The following MTMR14 variants were observed in gnomAD, a reference collection of about 807,000 sequenced individuals.
The protein encoded by MTMR14 is myotubularin related protein 14, also known as phosphatidylinositol-3,5-bisphosphate 3-phosphatase MTMR14.
MTMR14 carries 48 observed loss-of-function variants against 86.3 expected under a neutral mutation model. The observed-to-expected ratio is 0.56, with a 90% confidence interval of 0.44 to 0.71. MTMR14 has a LOEUF of 0.71. Ranked by LOEUF, MTMR14 falls within the 30% of genes least tolerant of loss-of-function variation. MTMR14 has a pLI of 0.00. For missense variants in MTMR14, 780 were observed against 834.6 expected (o/e 0.93, Z 0.81); for synonymous variants, 366 against 326.1 (o/e 1.12, Z -1.32).
intron 14 of MTMR14, 57 bp from the exon 15 acceptor site, chr3:9,688,639 G>A: frequency 5.6e-6 from 9 of 1,599,694 alleles, no homozygotes; most frequent in East Asian, 2.2e-5. Context: ...TGGGAACGGG[G>A]GACACAATAA....
At chr3:9,683,882 C>T (rs1323285032) in intron 10 of MTMR14, among the ~76,000 whole-genome samples, 1 of 152,232 alleles carries the variant, frequency 6.6e-6, no homozygotes, top group African/African-American at 2.4e-5. Flanking sequence ...GCAGCCATTC[C>T]AGACCTGTCT....
Position 9,690,176 on chromosome 3 carries a change from T to G in MTMR14, c.1613+33T>G, listed in dbSNP as rs534647768. 3.1e-6 allele frequency: 5 copies of G among 1,610,496 alleles called. No individual in the cohort carries two copies. In the South Asian group the frequency reaches 5.5e-5, roughly 18 times the overall value. On this transcript the variant is annotated intron_variant, in intron 17 of 18. Transcript: ENST00000296003. The stretch of plus-strand genomic sequence containing the variant: ...GCTCCAAAGCCCTTGCTGTTGGAAG[T>G]GCCTAGCTTTCCCCCTTAATAAGAC...
chr3:9,700,363 G>C (rs2076414757), intron 18 of MTMR14: 1 of 152,230 alleles, frequency 6.6e-6, no homozygotes, highest in South Asian at 2.1e-4. Flanking sequence ...GACCCCTAGA[G>C]AGGGCCCTCC....
At chr3:9,694,647 C>T (rs1488728202) in intron 17 of MTMR14, among the ~76,000 whole-genome samples, 1 of 152,116 alleles carries the variant, frequency 6.6e-6, no homozygotes, top group Non-Finnish European at 1.5e-5. Flanking sequence ...GTCATTTGTC[C>T]GAGAGCCTGT....
At chr3:9,697,618 C>T in intron 17 of MTMR14, 93 bp from the exon 18 acceptor site, 1 of 1,426,834 alleles carries the variant, frequency 7.0e-7, no homozygotes, top group East Asian at 2.3e-5. Flanking sequence ...AACCTAGCAG[C>T]CAGGGCTGCG....
intron 3 of MTMR14, among the ~76,000 whole-genome samples, chr3:9,663,119 T>G (rs918602397): frequency 6.6e-6 from 1 of 152,110 alleles, no homozygotes; most frequent in Non-Finnish European, 1.5e-5. Flanking sequence ...GCGGGGAAAT[T>G]CCGAATGCAA....
intron 2 of MTMR14, among the ~76,000 whole-genome samples, chr3:9,661,574 T>C (rs1180587644): frequency 1.3e-5 from 2 of 151,964 alleles, no homozygotes; most frequent in Non-Finnish European, 2.9e-5. Context: ...ATGCAAAAAA[T>C]AGATAGTCAC....
chr3:9,658,668 A>G (rs1221513302), intron 2 of MTMR14, among the ~76,000 whole-genome samples: 2 of 152,240 alleles, frequency 1.3e-5, no homozygotes, highest in Admixed American at 6.5e-5. Flanking sequence ...ATTTCATCTC[A>G]TTAAACTACC....
At chr3:9,650,003 G>T (rs2047185146) in intron 1 of MTMR14, among the ~76,000 whole-genome samples, 1 of 152,092 alleles carries the variant, frequency 6.6e-6, no homozygotes, top group South Asian at 2.1e-4. Flanking sequence ...GAGAGATCAA[G>T]CTGAGGGGCC....
intron 18 of MTMR14, among the ~76,000 whole-genome samples, chr3:9,699,041 G>C (rs532754188): frequency 2.6e-5 from 4 of 152,046 alleles, no homozygotes; most frequent in African/African-American, 9.6e-5. Flanking sequence ...GGTGGTGAAT[G>C]CCTATTAGTA....
intron 3 of MTMR14, among the ~76,000 whole-genome samples, chr3:9,664,713 A>G (rs1247234104): frequency 6.6e-6 from 1 of 152,184 alleles, no homozygotes. Flanking sequence ...AATTGAACTC[A>G]TGAAGATAGA....
intron 7 of MTMR14, among the ~76,000 whole-genome samples, chr3:9,673,939 A>G (rs1559585280): frequency 6.6e-6 from 1 of 152,034 alleles, no homozygotes. Flanking sequence ...GGTGGTGATG[A>G]TGTTGATGAT....
chr3:9,697,522 G>A (rs2076317582), intron 17 of MTMR14, among the ~76,000 whole-genome samples, 189 bp from the exon 18 acceptor site: 2 of 152,086 alleles, frequency 1.3e-5, no homozygotes, highest in Admixed American at 1.3e-4. Context: ...TCACAGCTGA[G>A]CTTACCTGGT....
At chr3:9,671,997 T>C (rs373473784) in intron 6 of MTMR14, among the ~76,000 whole-genome samples, 15 of 152,324 alleles carry the variant, frequency 9.8e-5, no homozygotes, top group Admixed American at 7.8e-4. Context: ...ATGCTGTTTG[T>C]TCACCCTGTT....
intron 6 of MTMR14, among the ~76,000 whole-genome samples, chr3:9,672,064 C>T (rs939924147): frequency 3.9e-5 from 6 of 152,116 alleles, no homozygotes; most frequent in African/African-American, 1.2e-4. Flanking sequence ...AAAGGGTTCC[C>T]ATAGGATCAT....
intron 2 of MTMR14, among the ~76,000 whole-genome samples, chr3:9,658,965 G>A (rs183758635): frequency 3.5e-4 from 54 of 152,334 alleles, no homozygotes; most frequent in African/African-American, 1.2e-3. Flanking sequence ...CGAGATGGGC[G>A]TTTCGCTTGA....
chr3:9,675,635 C>G (rs73811561), intron 7 of MTMR14: 5 of 457,278 alleles, frequency 1.1e-5, no homozygotes, highest in Admixed American at 4.7e-5. Flanking sequence ...TTTGGTCCCT[C>G]TCCTCTTGCC....
chr3:9,687,774 G>A (rs977191786), intron 13 of MTMR14, 47 bp from the exon 14 acceptor site: 1 of 1,522,968 alleles, frequency 6.6e-7, no homozygotes, highest in Non-Finnish European at 8.9e-7. Flanking sequence ...TGGGAGTTCT[G>A]CTGCCTTGGT....
chr3:9,668,847 A>G, intron 4 of MTMR14, 53 bp downstream of exon 4: 1 of 1,587,926 alleles, frequency 6.3e-7, no homozygotes. Flanking sequence ...GTCATAGAGA[A>G]TAGCTACCCG....
Sources: allele counts gnomAD v4.1 joint callset (sites outside exome capture counted in the v4.1 genomes callset), GRCh38; gene constraint gnomAD v4.1.1; transcripts MANE v1.5; gene names NCBI Gene and HGNC (gene_info 2026-07-23, HGNC 2026-07-21).